Variants in SYTL5 observed in about 807,000 individuals in gnomAD.
SYTL5 encodes synaptotagmin-like protein 5.
SYTL5 carries 34 observed loss-of-function variants against 55.9 expected under a neutral mutation model. The observed-to-expected ratio is 0.61, with a 90% CI of 0.46 to 0.81. The LOEUF (loss-of-function observed/expected upper bound fraction) is 0.81. Ranked by LOEUF, SYTL5 falls within the 30% of genes least tolerant of loss-of-function variation. The pLI is 0.00. For missense variants in SYTL5, 637 were observed against 546.7 expected, an observed-to-expected ratio of 1.17 and a Z score of -1.65; for synonymous variants, 221 against 188.7, an observed-to-expected ratio of 1.17 and a Z score of -1.40.
chrX:38,073,302 C>A (rs956417018), intron 4 of SYTL5, among the ~76,000 whole-genome samples: 6 of 111,599 alleles, frequency 5.4e-5, no homozygotes, highest in African/African-American at 1.3e-4. Flanking sequence ...ACCATGTTCC[C>A]CTGCTCTAAA....
chrX:37,991,381 A>G, the SYTL5 span: 1 of 753,042 alleles, frequency 1.3e-6, no homozygotes, highest in Non-Finnish European at 1.9e-6. Flanking sequence ...CATCCAGGGG[A>G]AGCTATCCCC....
intron 2 of SYTL5, among the ~76,000 whole-genome samples, chrX:38,037,788 T>TAGATA (rs1392615370): frequency 2.4e-5 from 2 of 82,402 alleles, no homozygotes; most frequent in African/African-American, 7.8e-5. Context: ...AACATTTTTC[T>TAGATA]GATAGATAGA....
the SYTL5 span, among the ~76,000 whole-genome samples, chrX:37,936,879 T>TAA: frequency 3.0e-5 from 3 of 99,424 alleles, no homozygotes; most frequent in African/African-American, 7.4e-5. Flanking sequence ...CTGTCTCTCT[T>TAA]AAAAAAAAAA....
intron 6 of SYTL5, among the ~76,000 whole-genome samples, chrX:38,082,980 T>C (rs1795447805): frequency 8.9e-6 from 1 of 112,213 alleles, no homozygotes; most frequent in Admixed American, 9.4e-5. Context: ...TATAACATCC[T>C]ACTCAGAACA....
At chrX:38,071,855 C>T (rs765332874) in intron 3 of SYTL5, among the ~76,000 whole-genome samples, 192 bp from the exon 4 acceptor site, 2 of 111,753 alleles carry the variant, frequency 1.8e-5, no homozygotes, top group Admixed American at 1.9e-4. Context: ...AAGTATGAAC[C>T]GTAATTAGCA....
At chrX:37,909,976 G>C in the SYTL5 span, among the ~76,000 whole-genome samples, 197 of 111,330 alleles carry the variant, frequency 1.8e-3, 4 homozygotes, top group Non-Finnish European at 1.6e-3. Context: ...TGCCTGGCTG[G>C]AGAGGTTTTT....
intron 5 of SYTL5, among the ~76,000 whole-genome samples, chrX:38,074,947 A>G (rs1936352648): frequency 9.1e-6 from 1 of 110,203 alleles, no homozygotes; most frequent in African/African-American, 3.3e-5. Flanking sequence ...CACACACTTA[A>G]TTGTAAGCTT....
chrX:38,102,523 GA>G, intron 10 of SYTL5, 89 bp downstream of exon 10: 1 of 633,866 alleles, frequency 1.6e-6, no homozygotes, highest in Non-Finnish European at 2.6e-6. Context: ...ATGTTCTTAG[GA>G]AAATGTGTGA....
the SYTL5 span, among the ~76,000 whole-genome samples, chrX:37,953,160 G>T: frequency 9.0e-6 from 1 of 111,616 alleles, no homozygotes; most frequent in Non-Finnish European, 1.9e-5. Flanking sequence ...TTAAAAAAGT[G>T]AAATTATTTA....
intron 1 of SYTL5, among the ~76,000 whole-genome samples, chrX:38,022,419 C>A (rs1934586454): frequency 8.9e-6 from 1 of 112,275 alleles, no homozygotes; most frequent in Non-Finnish European, 1.9e-5. Context: ...AGACTAAAAT[C>A]ATGGTGTTAG....
At chrX:37,908,057 C>T in the SYTL5 span, among the ~76,000 whole-genome samples, 7 of 106,736 alleles carry the variant, frequency 6.6e-5, no homozygotes, top group African/African-American at 2.1e-4. Context: ...TTTAAAGCTG[C>T]AGTGAGCTAT....
intron 2 of SYTL5, among the ~76,000 whole-genome samples, chrX:38,051,302 A>G (rs1935617162): frequency 9.1e-6 from 1 of 109,643 alleles, no homozygotes; most frequent in African/African-American, 3.4e-5. Context: ...GTTGGTTTTA[A>G]GCAGAGGAAC....
chrX:37,964,703 G>A, the SYTL5 span, among the ~76,000 whole-genome samples: 2 of 111,409 alleles, frequency 1.8e-5, no homozygotes, highest in African/African-American at 6.5e-5. Flanking sequence ...GAATTCATCA[G>A]TGAAGACATC....
the SYTL5 span, among the ~76,000 whole-genome samples, chrX:37,953,480 G>A: frequency 5.4e-5 from 6 of 111,502 alleles, no homozygotes; most frequent in Middle Eastern, 8.4e-3. Flanking sequence ...TATGACTAAA[G>A]TTAGAAATTT....
At chrX:37,948,124 T>C in the SYTL5 span, among the ~76,000 whole-genome samples, 1 of 111,044 alleles carries the variant, frequency 9.0e-6, no homozygotes, top group Non-Finnish European at 1.9e-5. Context: ...GAACTTTTTT[T>C]CTTATTTTCT....
the SYTL5 span, among the ~76,000 whole-genome samples, chrX:37,929,202 A>T: frequency 2.7e-5 from 3 of 111,942 alleles, no homozygotes; most frequent in Non-Finnish European, 3.8e-5. Flanking sequence ...TGGGCTTTTC[A>T]CCTGTTTTTT....
intron 14 of SYTL5, among the ~76,000 whole-genome samples, chrX:38,121,716 T>A (rs1305381172): frequency 8.9e-6 from 1 of 112,487 alleles, no homozygotes; most frequent in Non-Finnish European, 1.9e-5. Flanking sequence ...TTTTGGTGCA[T>A]GTATATTGTC....
chrX:38,035,451 C>G (rs1167372410), intron 2 of SYTL5, among the ~76,000 whole-genome samples: 1 of 111,067 alleles, frequency 9.0e-6, no homozygotes, highest in East Asian at 2.8e-4. Context: ...ATTAGCCGGG[C>G]GTGGTGGCGG....
chrX:37,961,778 TTA>T, the SYTL5 span, among the ~76,000 whole-genome samples: 1 of 112,392 alleles, frequency 8.9e-6, no homozygotes, highest in African/African-American at 3.2e-5. Flanking sequence ...TATTTATTTT[TTA>T]TATGTTACTG....
Sources: gnomAD v4.1 joint callset for allele counts (sites outside exome capture counted in the v4.1 genomes callset) on GRCh38, gnomAD v4.1.1 for gene constraint, MANE v1.5 for transcripts, NCBI Gene and HGNC (gene_info 2026-07-23, HGNC 2026-07-21) for gene names.